PPP1R1C: variants seen among roughly 807,000 people sequenced by gnomAD.
PPP1R1C encodes the protein protein phosphatase 1 regulatory subunit 1C.
Under a neutral mutation model 17.4 loss-of-function variants are expected in PPP1R1C, and 15 were observed. The observed-to-expected ratio is 0.86, with a 90% confidence interval of 0.58 to 1.33. PPP1R1C has a LOEUF of 1.33. Ranked by LOEUF, PPP1R1C falls within the 40% of genes most tolerant of loss-of-function variation. The pLI is 0.00. For missense variants in PPP1R1C, 143 were observed against 130.0 expected (o/e 1.10, Z -0.48); for synonymous variants, 35 against 43.1 (o/e 0.81, Z 0.73).
chr2:182,028,395 G>C (rs1340434381), intron 2 of PPP1R1C, among the ~76,000 whole-genome samples: 3 of 151,108 alleles, frequency 2.0e-5, no homozygotes, highest in African/African-American at 7.3e-5. Flanking sequence ...GCATCCCAGA[G>C]ATTCTGGTAT....
chr2:182,031,895 G>T (rs1386047380), intron 2 of PPP1R1C, among the ~76,000 whole-genome samples: 1 of 152,188 alleles, frequency 6.6e-6, no homozygotes, highest in Non-Finnish European at 1.5e-5. Context: ...GTATGATAAA[G>T]AAATTGTACC....
intron 2 of PPP1R1C, among the ~76,000 whole-genome samples, 171 bp downstream of exon 2, chr2:181,988,070 G>C (rs183176845): frequency 1.3e-3 from 193 of 152,274 alleles, no homozygotes; most frequent in East Asian, 9.6e-4. Flanking sequence ...AAATATTACA[G>C]GAATAATCTC....
chr2:181,954,728 C>T (rs916286983), intron 1 of PPP1R1C: 1 of 152,158 alleles, frequency 6.6e-6, no homozygotes, highest in African/African-American at 2.4e-5. Flanking sequence ...TGATCAGGAG[C>T]TGGGCTCTGG....
At chr2:182,058,859 A>G (rs1687766211) in intron 2 of PPP1R1C, among the ~76,000 whole-genome samples, 2 of 152,056 alleles carry the variant, frequency 1.3e-5, no homozygotes, top group South Asian at 4.1e-4. Flanking sequence ...TCATTCTATT[A>G]TAGTTCACTT....
chr2:181,978,614 G>C (rs977591677), intron 2 of PPP1R1C, among the ~76,000 whole-genome samples: 11 of 152,172 alleles, frequency 7.2e-5, no homozygotes, highest in Non-Finnish European at 1.5e-4. Context: ...TTTTCTGAGA[G>C]GGAGCAGTCC....
At chr2:181,964,980 AC>A (rs1684881309) in intron 1 of PPP1R1C, among the ~76,000 whole-genome samples, 1 of 152,240 alleles carries the variant, frequency 6.6e-6, no homozygotes, top group Non-Finnish European at 1.5e-5. Context: ...TGCTGGGATT[AC>A]AGGCGTGAGC....
At chr2:182,051,358 G>T (rs950649051) in intron 2 of PPP1R1C, among the ~76,000 whole-genome samples, 1 of 152,156 alleles carries the variant, frequency 6.6e-6, no homozygotes, top group African/African-American at 2.4e-5. Flanking sequence ...TCCAGTAATG[G>T]TTACCATGAG....
At chr2:181,980,586 G>T (rs1685174124) in intron 2 of PPP1R1C, among the ~76,000 whole-genome samples, 1 of 152,160 alleles carries the variant, frequency 6.6e-6, no homozygotes. Context: ...ACAAATCTCT[G>T]TAGCTCCCTC....
intron 2 of PPP1R1C, among the ~76,000 whole-genome samples, chr2:182,020,046 T>C (rs1686371807): frequency 6.6e-6 from 1 of 152,230 alleles, no homozygotes; most frequent in African/African-American, 2.4e-5. Flanking sequence ...ACTATTTGTC[T>C]GACATTTAAT....
intron 2 of PPP1R1C, among the ~76,000 whole-genome samples, chr2:182,042,165 A>G (rs939326643): frequency 6.6e-6 from 1 of 151,712 alleles, no homozygotes; most frequent in Non-Finnish European, 1.5e-5. Context: ...AGAAAGTATG[A>G]CTCCTTTTTT....
intron 4 of PPP1R1C, among the ~76,000 whole-genome samples, chr2:182,066,688 A>G (rs1026933798): frequency 1.2e-4 from 18 of 152,174 alleles, no homozygotes; most frequent in African/African-American, 4.1e-4. Context: ...TGAAGTTTGC[A>G]TAGAAAACAG....
At chr2:182,113,813 T>C (rs1689507076) in intron 4 of PPP1R1C, among the ~76,000 whole-genome samples, 1 of 152,204 alleles carries the variant, frequency 6.6e-6, no homozygotes, top group Non-Finnish European at 1.5e-5. Context: ...TTTTGTGTTA[T>C]CTACAAATGT....
chr2:181,988,005 T>C lies in PPP1R1C; in HGVS notation c.142+106T>C. The C allele has an allele frequency of 1.3e-5, 11 of 818,538 alleles. No homozygotes were observed. The South Asian group carries it at 2.0e-4, about 15-fold the overall frequency. 50.7% of individuals were successfully genotyped at this position (818,538 alleles called of 1,614,324 possible). A position where few individuals can be genotyped will look rare whatever the true frequency, so the allele number is the denominator to read the frequency against. On this transcript the variant is annotated intron_variant, in intron 2 of 4. Coordinates refer to ENST00000682840, the MANE Select transcript of PPP1R1C (RefSeq NM_001080545.3). ...AAGTTTCAATTTAGGATTTCACAGT[T>C]AGCAATACTCTAGAAAGCTAATCTA...
chr2:181,993,451 C>T (rs937658552), intron 2 of PPP1R1C, among the ~76,000 whole-genome samples: 4 of 152,054 alleles, frequency 2.6e-5, no homozygotes, highest in South Asian at 2.1e-4. Flanking sequence ...TTCAAATAAA[C>T]GCTATACTGG....
intron 4 of PPP1R1C, among the ~76,000 whole-genome samples, chr2:182,098,617 G>A (rs1005964067): frequency 2.6e-5 from 4 of 151,890 alleles, no homozygotes; most frequent in Admixed American, 6.6e-5. Context: ...CATTCTTCTG[G>A]TGATCATATT....
intron 4 of PPP1R1C, among the ~76,000 whole-genome samples, chr2:182,109,283 A>G (rs915669621): frequency 2.0e-5 from 3 of 152,078 alleles, no homozygotes; most frequent in Non-Finnish European, 4.4e-5. Context: ...ATTTTCTCTC[A>G]GTCTATGGCT....
intron 2 of PPP1R1C, among the ~76,000 whole-genome samples, chr2:182,059,535 G>A (rs1687787409): frequency 6.6e-6 from 1 of 152,018 alleles, no homozygotes; most frequent in Non-Finnish European, 1.5e-5. Flanking sequence ...TGATGTTTTT[G>A]TTTAAAGAGC....
At chr2:182,018,987 T>C (rs764103994) in intron 2 of PPP1R1C, among the ~76,000 whole-genome samples, 1 of 152,192 alleles carries the variant, frequency 6.6e-6, no homozygotes, top group Non-Finnish European at 1.5e-5. Context: ...GTTAGTCATT[T>C]ACGAAAGTAT....
downstream of PPP1R1C, among the ~76,000 whole-genome samples, chr2:182,119,512 A>G (rs1399010024): frequency 6.6e-6 from 1 of 152,242 alleles, no homozygotes; most frequent in Non-Finnish European, 1.5e-5. Flanking sequence ...ACTAGTTTAC[A>G]GTCCCAACAA....
Sources: gnomAD v4.1 joint callset for allele counts (sites outside exome capture counted in the v4.1 genomes callset) on GRCh38, gnomAD v4.1.1 for gene constraint, MANE v1.5 for transcripts, NCBI Gene and HGNC (gene_info 2026-07-23, HGNC 2026-07-21) for gene names.